Variants in EPS15L1 observed in about 807,000 individuals in gnomAD.
The protein encoded by EPS15L1 is epidermal growth factor receptor substrate 15-like 1.
Under a neutral mutation model 117.1 loss-of-function variants are expected in EPS15L1, and 43 were observed. The observed-to-expected ratio is 0.37, with a 90% CI of 0.29 to 0.47. The LOEUF (loss-of-function observed/expected upper bound fraction) is 0.47, where lower values mean the gene tolerates loss of function less well. Among genes scored for constraint, EPS15L1 ranks in the 20% least tolerant of loss-of-function variants. EPS15L1 has a pLI of 0.99. For missense variants in EPS15L1, 981 were observed against 1,164.0 expected, an observed-to-expected ratio of 0.84 and a Z score of 2.29; for synonymous variants, 459 against 470.5, an observed-to-expected ratio of 0.98 and a Z score of 0.32.
chr19:16,401,781 C>T, intron 16 of EPS15L1: 3 of 985,880 alleles, frequency 3.0e-6, no homozygotes, highest in Non-Finnish European at 3.6e-6. Flanking sequence ...GGTTTTTAAA[C>T]ATAACCAAAA....
Position 16,392,249 on chromosome 19 carries a change from C to T in EPS15L1, c.2103+55G>A, listed in dbSNP as rs976159188. 52 of 1,607,610 alleles carry T rather than the reference C, an allele frequency of 3.2e-5. No individual in the cohort carries two copies. The African/African-American group carries it at 6.7e-4, about 21-fold the overall frequency. On this transcript the variant is annotated intron_variant, in intron 19 of 23. Transcript: ENST00000455140. ...AAGGGGGCCTTCGGGAAGCGCCACCCTTACCACACAGAGCAGGCACGCAGC... is the reference window on the plus strand; with the variant it reads ...AAGGGGGCCTTCGGGAAGCGCCACCTTTACCACACAGAGCAGGCACGCAGC...
intron 23 of EPS15L1, among the ~76,000 whole-genome samples, chr19:16,361,050 T>C (rs1042346072): frequency 6.6e-6 from 1 of 152,208 alleles, no homozygotes; most frequent in African/African-American, 2.4e-5. Context: ...TAAAAACTCC[T>C]TGAAGCGACG....
intron 16 of EPS15L1, among the ~76,000 whole-genome samples, chr19:16,399,675 T>G (rs1182580080): frequency 6.6e-6 from 1 of 151,104 alleles, no homozygotes; most frequent in Non-Finnish European, 1.5e-5. Flanking sequence ...TTTTTTGCTT[T>G]TTGGGGTTTT....
intron 19 of EPS15L1, among the ~76,000 whole-genome samples, chr19:16,387,958 T>C (rs561214588): frequency 1.3e-5 from 2 of 152,244 alleles, no homozygotes; most frequent in South Asian, 2.1e-4. Context: ...CTCATATCCA[T>C]GTAACTGGAA....
At chr19:16,425,055 G>T in intron 9 of EPS15L1, 28 bp downstream of exon 9, 1 of 1,556,094 alleles carries the variant, frequency 6.4e-7, no homozygotes, top group Non-Finnish European at 8.9e-7. Flanking sequence ...GCTCTGAGAG[G>T]GGGCTGTGCC....
chr19:16,425,337 G>A (rs1319240165), intron 8 of EPS15L1, 21 bp from the exon 9 acceptor site: 1 of 1,516,560 alleles, frequency 6.6e-7, no homozygotes, highest in Non-Finnish European at 9.0e-7. Context: ...AAACAACAAT[G>A]GCACTGAAGG....
chr19:16,414,640 C>T lies in EPS15L1; in HGVS notation c.1194-795G>A, dbSNP rs571923955. 4.6e-5 allele frequency among the ~76,000 whole-genome samples: 7 copies of T among 151,976 alleles called. No individual in the cohort carries two copies. In the South Asian group the frequency reaches 1.2e-3, roughly 27 times the overall value. ...AGTCTTGATCTCCTGACCTAGTGATCCGCCCGCCTCAGCCTCCCAAAGTAC... is the reference window on the plus strand; with the variant it reads ...AGTCTTGATCTCCTGACCTAGTGATTCGCCCGCCTCAGCCTCCCAAAGTAC... On this transcript the variant is annotated intron_variant, in intron 12 of 23. Transcript: ENST00000455140.
chr19:16,441,781 T>C (rs551547559), intron 3 of EPS15L1, 111 bp downstream of exon 3: 6 of 781,682 alleles, frequency 7.7e-6, no homozygotes, highest in East Asian at 5.1e-5. Context: ...ACCAGGCCAC[T>C]ACCCAGGAGG....
chr19:16,428,208 AAAAGAAAG>A (rs575991675), intron 8 of EPS15L1, among the ~76,000 whole-genome samples: 38 of 149,014 alleles, frequency 2.6e-4, no homozygotes, highest in African/African-American at 9.4e-4. Flanking sequence ...ATCAAAAAAA[AAAAGAAAG>A]AAAGAAAGAA....
rs2092635086 is a variant in EPS15L1, at chr19:16,404,496, T to C, written c.1428+92A>G. On this transcript the variant is annotated intron_variant, in intron 14 of 23. Coordinates refer to ENST00000455140, the MANE Select transcript of EPS15L1 (RefSeq NM_001258374.3). The surrounding 1 kb of genome is among the most constrained non-coding windows in gnomAD (Gnocchi z 4.2). ...CTATTGACCCAGTAGGATGTCTAAG[T>C]GTTGTGTTCCCAGGTAACACGAGCT... 2.2e-6 allele frequency: 3 copies of C among 1,385,720 alleles called. No individual in the cohort carries two copies. Among genetic ancestry groups the C allele is most frequent in the Non-Finnish European group, 2.0e-6 (2 of 997,702 alleles). 85.8% of individuals were successfully genotyped at this position (1,385,720 alleles called of 1,614,324 possible). A position where few individuals can be genotyped will look rare whatever the true frequency, so the allele number is the denominator to read the frequency against.
At chr19:16,460,167 C>T (rs1296951518) in intron 1 of EPS15L1, among the ~76,000 whole-genome samples, 1 of 152,122 alleles carries the variant, frequency 6.6e-6, no homozygotes, top group East Asian at 1.9e-4. Flanking sequence ...GGAGCACCTG[C>T]AGTCCCAGCT....
intron 22 of EPS15L1, among the ~76,000 whole-genome samples, chr19:16,366,584 G>A (rs2092136010): frequency 6.6e-6 from 1 of 152,098 alleles, no homozygotes; most frequent in African/African-American, 2.4e-5. Context: ...TCATGACTAT[G>A]GTAATATGAA....
At position 16,418,034 on chromosome 19, in the gene EPS15L1, G is replaced by A; in HGVS notation, c.1021C>T (p.Gln341Ter). Residue 341 changes from glutamine (Q) to a stop codon, truncating the protein, a stop_gained, in exon 11 of 24, where the codon CAG becomes TAG. Coordinates refer to ENST00000455140, the MANE Select transcript of EPS15L1 (RefSeq NM_001258374.3). LOFTEE classifies it high-confidence loss of function. The part of the protein sequence containing the change: ...DQFALAMYFI[Q>*]QKVSKGIDPP... Reference sequence around the variant, plus strand: ...TCGATGCCTTTACTGACCTTCTGCTGAATGAAATACATAGCTAACGCGAAT... The same window carrying A: ...TCGATGCCTTTACTGACCTTCTGCTAAATGAAATACATAGCTAACGCGAAT... The A allele has an allele frequency of 6.2e-7, 1 of 1,614,212 alleles. No homozygotes were observed.
intron 19 of EPS15L1, among the ~76,000 whole-genome samples, chr19:16,388,451 T>C (rs2092443489): frequency 6.6e-6 from 1 of 151,830 alleles, no homozygotes; most frequent in African/African-American, 2.4e-5. Flanking sequence ...CAAAAACTAC[T>C]GAAAACCAAA....
intron 12 of EPS15L1, among the ~76,000 whole-genome samples, chr19:16,415,486 C>T (rs1052677367): frequency 6.6e-6 from 1 of 152,202 alleles, no homozygotes; most frequent in East Asian, 1.9e-4. Context: ...TGTCGCCAGA[C>T]ACACAGTAAG....
At position 16,416,390 on chromosome 19, in the gene EPS15L1, C is replaced by T. The variant is rs188152278; in HGVS notation, c.1193+1162G>A. On this transcript the variant is annotated intron_variant, in intron 12 of 23. Coordinates refer to ENST00000455140, the MANE Select transcript of EPS15L1 (RefSeq NM_001258374.3). ...GTGGCTCACGCCTGTAATCCCAGCA[C>T]TTTGGGAGGCCAAGGCCAGAGGATC... Among the ~76,000 whole-genome samples the T allele has an allele frequency of 2.6e-3, 400 of 152,322 alleles. 2 individuals carry two copies. Among genetic ancestry groups the T allele is most frequent in the African/African-American group, 7.6e-3 (318 of 41,578 alleles).
intron 7 of EPS15L1, among the ~76,000 whole-genome samples, chr19:16,430,310 G>A (rs2092914926): frequency 1.3e-5 from 2 of 152,200 alleles, no homozygotes; most frequent in South Asian, 4.1e-4. Context: ...CAGGGCAGGT[G>A]AAGAGGGCAG....
intron 1 of EPS15L1, among the ~76,000 whole-genome samples, chr19:16,448,554 G>GGA (rs1555767242): frequency 7.0e-6 from 1 of 143,876 alleles, no homozygotes; most frequent in Non-Finnish European, 1.5e-5. Context: ...AAAAGGGGGG[G>GGA]GGAGAAAGGC....
chr19:16,409,314 C>T (rs1382026182), intron 13 of EPS15L1, among the ~76,000 whole-genome samples: 1 of 152,148 alleles, frequency 6.6e-6, no homozygotes, highest in South Asian at 2.1e-4. Flanking sequence ...GACATTGCAT[C>T]CCTGCCTTAT....
Sources: gnomAD v4.1 joint callset for allele counts (sites outside exome capture counted in the v4.1 genomes callset) on GRCh38, gnomAD v4.1.1 for gene constraint, Gnocchi (gnomAD v3.1) non-coding constraint, MANE v1.5 for transcripts, NCBI Gene and HGNC (gene_info 2026-07-23, HGNC 2026-07-21) for gene names.